Variants in SPIRE1 observed in about 807,000 individuals in gnomAD.
SPIRE1 encodes the protein protein spire homolog 1.
Under a neutral mutation model 94.1 loss-of-function variants are expected in SPIRE1, and 40 were observed. The ratio of observed to expected loss-of-function variants is 0.43; its 90% CI spans 0.33 to 0.55. The LOEUF (loss-of-function observed/expected upper bound fraction) is 0.55. SPIRE1 is among the 20% of genes least tolerant of loss of function. The pLI, the probability that SPIRE1 is intolerant of heterozygous loss-of-function variation, is 0.06. For missense variants in SPIRE1, 838 were observed against 975.2 expected, an observed-to-expected ratio of 0.86 and a Z score of 1.87; for synonymous variants, 376 against 371.7, an observed-to-expected ratio of 1.01 and a Z score of -0.13.
chr18:12,506,488 G>T lies in SPIRE1; in HGVS notation c.961C>A (p.Arg321=). 1.2e-6 allele frequency: 2 copies of T among 1,613,806 alleles called. No individual in the cohort carries two copies. Among genetic ancestry groups the T allele is most frequent in the Non-Finnish European group, 1.7e-6 (2 of 1,179,896 alleles). Reference sequence around the variant, plus strand: ...GCTTGGTTACTTACCATCACTTTTCGCAAGGTGTATCTTTTGCAGCGAATG... The same window carrying T: ...GCTTGGTTACTTACCATCACTTTTCTCAAGGTGTATCTTTTGCAGCGAATG... ...DDIRCKRYTL[R]KVMVNGDIPP... The change falls in exon 6 of 17, where the codon CGA becomes AGA. Residue 321 remains arginine (R), a synonymous_variant. Coordinates refer to ENST00000409402, the MANE Select transcript of SPIRE1 (RefSeq NM_001128626.2).
intron 12 of SPIRE1, among the ~76,000 whole-genome samples, chr18:12,458,147 AACAGTCATCTTTTAT>A (rs1404632619): frequency 4.8e-4 from 72 of 151,364 alleles, no homozygotes; most frequent in African/African-American, 1.6e-3. Flanking sequence ...CCTGGCTGGG[AACAGTCATCTTTTAT>A]ACAGTGTTCA....
chr18:12,484,531 TACTC>T (rs898484725), intron 9 of SPIRE1, among the ~76,000 whole-genome samples: 26 of 152,302 alleles, frequency 1.7e-4, no homozygotes, highest in African/African-American at 5.5e-4. Flanking sequence ...AGCTGGAAGA[TACTC>T]AATAAATATT....
intron 6 of SPIRE1, among the ~76,000 whole-genome samples, chr18:12,496,891 T>A (rs980657027): frequency 2.7e-5 from 4 of 150,238 alleles, no homozygotes; most frequent in East Asian, 3.9e-4. Context: ...AATAAATAAA[T>A]AAAAATAAAA....
At chr18:12,646,352 A>C (rs936212298) in intron 1 of SPIRE1, among the ~76,000 whole-genome samples, 1 of 152,096 alleles carries the variant, frequency 6.6e-6, no homozygotes, top group African/African-American at 2.4e-5. Context: ...TTTTAAAATT[A>C]TTGCACTGTA....
At chr18:12,612,153 C>A (rs1455609006) in intron 2 of SPIRE1, among the ~76,000 whole-genome samples, 1 of 152,136 alleles carries the variant, frequency 6.6e-6, no homozygotes, top group Non-Finnish European at 1.5e-5. Context: ...ACTATGTTGT[C>A]AAACTCAATA....
At chr18:12,600,745 T>G (rs967494687) in intron 2 of SPIRE1, among the ~76,000 whole-genome samples, 2 of 152,012 alleles carry the variant, frequency 1.3e-5, no homozygotes, top group African/African-American at 4.8e-5. Flanking sequence ...TTTTCTGAGG[T>G]AGGGTCTCGC....
At chr18:12,536,670 C>T (rs1173859228) in intron 3 of SPIRE1, among the ~76,000 whole-genome samples, 2 of 152,134 alleles carry the variant, frequency 1.3e-5, no homozygotes, top group African/African-American at 4.8e-5. Flanking sequence ...ATAATCCCCA[C>T]CCAACTACTT....
intron 3 of SPIRE1, among the ~76,000 whole-genome samples, chr18:12,543,071 G>A (rs930745656): frequency 3.9e-5 from 6 of 152,036 alleles, no homozygotes; most frequent in Non-Finnish European, 5.9e-5. Context: ...CAAATGATCC[G>A]CCCGTCTCGG....
intron 1 of SPIRE1, among the ~76,000 whole-genome samples, chr18:12,650,182 T>G (rs2038337137): frequency 6.6e-6 from 1 of 151,904 alleles, no homozygotes; most frequent in Admixed American, 6.6e-5. Context: ...AAGGTTGCAG[T>G]GACCCGAGCT....
Position 12,635,042 on chromosome 18 carries a change from T to C in SPIRE1, c.372+20A>G. On this transcript the variant is annotated intron_variant, in intron 2 of 16. Transcript: ENST00000409402. ...ACTGCAAAGCTGCTTTACTAAGAAATATTTGAGTATTTCACTTACCTCTGT... is the reference window on the plus strand; with the variant it reads ...ACTGCAAAGCTGCTTTACTAAGAAACATTTGAGTATTTCACTTACCTCTGT... 1 of 1,408,016 alleles carries C rather than the reference T, an allele frequency of 7.1e-7. No individual in the cohort carries two copies. Among genetic ancestry groups the C allele is most frequent in the South Asian group, 1.2e-5 (1 of 80,320 alleles). The allele number at this position is 1,408,016 out of a possible 1,614,324, so 87.2% of individuals were successfully genotyped here.
chr18:12,649,467 T>C (rs2038316804), intron 1 of SPIRE1, among the ~76,000 whole-genome samples: 1 of 152,214 alleles, frequency 6.6e-6, no homozygotes, highest in African/African-American at 2.4e-5. Flanking sequence ...CAATATTTCC[T>C]TCATAGTTTT....
intron 2 of SPIRE1, among the ~76,000 whole-genome samples, chr18:12,576,102 C>G (rs932136863): frequency 1.4e-4 from 21 of 152,004 alleles, no homozygotes; most frequent in Non-Finnish European, 2.9e-5. Context: ...ACTCGGGAGG[C>G]TGAGGCAAGA....
chr18:12,482,148 T>C (rs1341347922), intron 9 of SPIRE1, among the ~76,000 whole-genome samples: 1 of 152,160 alleles, frequency 6.6e-6, no homozygotes, highest in African/African-American at 2.4e-5. Context: ...TTTTGGCAGT[T>C]ATTTATTTTT....
At chr18:12,655,105 C>A (rs1366766211) in intron 1 of SPIRE1, among the ~76,000 whole-genome samples, 1 of 151,144 alleles carries the variant, frequency 6.6e-6, no homozygotes, top group Non-Finnish European at 1.5e-5. Flanking sequence ...GTAACCCCAG[C>A]ACTTTAGCAG....
intron 2 of SPIRE1, among the ~76,000 whole-genome samples, chr18:12,613,624 G>T (rs1256627417): frequency 6.6e-6 from 1 of 152,222 alleles, no homozygotes; most frequent in African/African-American, 2.4e-5. Context: ...ATCTGGCCGG[G>T]CACGGTGGCT....
chr18:12,596,365 A>T (rs2036672166), intron 2 of SPIRE1, among the ~76,000 whole-genome samples: 1 of 152,216 alleles, frequency 6.6e-6, no homozygotes, highest in Non-Finnish European at 1.5e-5. Context: ...CATTGCATAG[A>T]CATTTAATTT....
chr18:12,628,496 T>C (rs570757735), intron 2 of SPIRE1, among the ~76,000 whole-genome samples: 160 of 152,306 alleles, frequency 1.1e-3, no homozygotes, highest in Non-Finnish European at 1.2e-3. Flanking sequence ...GCCTCCAGTT[T>C]TGTTCTTTTT....
At chr18:12,608,082 C>T (rs926408157) in intron 2 of SPIRE1, among the ~76,000 whole-genome samples, 7 of 149,688 alleles carry the variant, frequency 4.7e-5, no homozygotes, top group African/African-American at 1.5e-4. Context: ...GACGTGAACT[C>T]GGGTGGCGGA....
intron 2 of SPIRE1, among the ~76,000 whole-genome samples, chr18:12,561,569 A>G (rs1436533177): frequency 6.6e-6 from 1 of 152,126 alleles, no homozygotes. Flanking sequence ...CCTGGCCATT[A>G]AATTATTTTT....
Sources: allele counts gnomAD v4.1 joint callset (sites outside exome capture counted in the v4.1 genomes callset), GRCh38; gene constraint gnomAD v4.1.1; transcripts MANE v1.5; gene names NCBI Gene and HGNC (gene_info 2026-07-23, HGNC 2026-07-21).